Variants in CECR2 observed in about 807,000 individuals in gnomAD.
CECR2 encodes the protein chromatin remodeling regulator CECR2.
In CECR2, 30 loss-of-function variants were observed where a neutral mutation model predicts 154.5. The observed-to-expected ratio is 0.19, with a 90% confidence interval of 0.15 to 0.26. The LOEUF (loss-of-function observed/expected upper bound fraction) is 0.26. Ranked by LOEUF, CECR2 falls within the 10% of genes least tolerant of loss-of-function variation. The probability of loss-of-function intolerance (pLI) is 1.00; values close to 1 mark genes in which losing one functional copy is unlikely to be tolerated. For synonymous variants in CECR2, 725 were observed against 683.7 expected (o/e 1.06, Z -0.94); for missense variants, 1,743 against 1,829.3 (o/e 0.95, Z 0.86).
At chr22:17,528,558 C>CA (rs892414180) in intron 9 of CECR2, among the ~76,000 whole-genome samples, 5 of 151,712 alleles carry the variant, frequency 3.3e-5, no homozygotes, top group African/African-American at 1.2e-4. Flanking sequence ...ATTTTTGAGA[C>CA]AGAGTCTCAC....
chr22:17,418,890 C>A, intron 1 of CECR2: 1 of 167,698 alleles, frequency 6.0e-6, no homozygotes, highest in South Asian at 1.3e-4. Context: ...GGGCCGAAGC[C>A]CTGGGCCACT....
chr22:17,553,048 G>A lies in CECR2; in HGVS notation c.*208G>A, dbSNP rs1484887030. 27 of 1,213,736 alleles carry A rather than the reference G, an allele frequency of 2.2e-5. No homozygotes were observed. Among genetic ancestry groups the A allele is most frequent in the East Asian group, 1.1e-4 (4 of 35,396 alleles). The allele number at this position is 1,213,736 out of a possible 1,614,324, so 75.2% of individuals were successfully genotyped here. A position where few individuals can be genotyped will look rare whatever the true frequency, so the allele number is the denominator to read the frequency against. On this transcript the variant is annotated 3_prime_UTR_variant, in exon 19 of 19. Coordinates refer to ENST00000262608, the MANE Select transcript of CECR2 (RefSeq NM_001290047.2). ...TGACACACAGATTGCAAAGGTCCTC[G>A]GCCAGGGATCTCTTGCACAGCTGAT...
chr22:17,421,341 C>T (rs895736305), intron 1 of CECR2, among the ~76,000 whole-genome samples: 1 of 151,776 alleles, frequency 6.6e-6, no homozygotes, highest in African/African-American at 2.4e-5. Context: ...CAAGGCCGGG[C>T]GCGGTGGCTC....
At chr22:17,514,830 G>A (rs892001414) in intron 8 of CECR2, among the ~76,000 whole-genome samples, 3 of 151,922 alleles carry the variant, frequency 2.0e-5, no homozygotes, top group Admixed American at 6.6e-5. Flanking sequence ...TCAGGAGATC[G>A]AGACCATCCT....
chr22:17,466,588 A>G (rs1275215912), intron 1 of CECR2, among the ~76,000 whole-genome samples: 1 of 145,884 alleles, frequency 6.9e-6, no homozygotes, highest in African/African-American at 2.6e-5. Flanking sequence ...ATTGTTACTT[A>G]AAACCTTGCC....
intron 1 of CECR2, among the ~76,000 whole-genome samples, chr22:17,397,156 A>G (rs550288079): frequency 1.1e-3 from 166 of 151,698 alleles, no homozygotes; most frequent in African/African-American, 3.7e-3. Flanking sequence ...TATTTTTGTG[A>G]GACAGATTCT....
chr22:17,543,565 CT>C (rs60659527), intron 16 of CECR2, among the ~76,000 whole-genome samples: 33,038 of 143,266 alleles, frequency 0.23, 4,070 homozygotes, highest in East Asian at 0.44. Flanking sequence ...CCTCCTGAGA[CT>C]TTTTTTTTTT....
chr22:17,529,190 C>T (rs2056312972), intron 9 of CECR2, among the ~76,000 whole-genome samples: 1 of 152,148 alleles, frequency 6.6e-6, no homozygotes, highest in African/African-American at 2.4e-5. Flanking sequence ...GCAGTGCAGA[C>T]AAGAGCAGAG....
At chr22:17,377,226 G>A (rs1263253715) in intron 1 of CECR2, among the ~76,000 whole-genome samples, 1 of 152,166 alleles carries the variant, frequency 6.6e-6, no homozygotes, top group African/African-American at 2.4e-5. Flanking sequence ...TCCATACTTG[G>A]TGTGTTTGCA....
At chr22:17,493,413 AT>A (rs1464862063) in intron 2 of CECR2, among the ~76,000 whole-genome samples, 1 of 152,216 alleles carries the variant, frequency 6.6e-6, no homozygotes, top group African/African-American at 2.4e-5. Context: ...AGTCAAAAGA[AT>A]TAGCCTGATT....
At chr22:17,502,599 C>T (rs1601469803) in intron 5 of CECR2, among the ~76,000 whole-genome samples, 1 of 152,126 alleles carries the variant, frequency 6.6e-6, no homozygotes, top group African/African-American at 2.4e-5. Flanking sequence ...GTCAGGAGTT[C>T]AAGACCAGCC....
intron 16 of CECR2, among the ~76,000 whole-genome samples, chr22:17,544,785 G>C (rs174338): frequency 0.2 from 28,098 of 138,416 alleles, 3,037 homozygotes; most frequent in Admixed American, 0.29. Flanking sequence ...ACTCCAGCCT[G>C]GGCCACAAAG....
intron 1 of CECR2, among the ~76,000 whole-genome samples, chr22:17,452,163 C>T (rs960631993): frequency 6.6e-6 from 1 of 152,212 alleles, no homozygotes; most frequent in Non-Finnish European, 1.5e-5. Flanking sequence ...ACCTCCACCT[C>T]CTGGGTTCAA....
rs2056765449 is a variant in CECR2, at chr22:17,555,714, T to C, written c.*2874T>C. The C allele has an allele frequency of 6.6e-6, 1 of 152,150 alleles. No homozygotes were observed. The highest frequency in any genetic ancestry group is 6.5e-5 in the Admixed American group (1 of 15,278). 9.4% of individuals were successfully genotyped at this position (152,150 alleles called of 1,614,324 possible). A position where few individuals can be genotyped will look rare whatever the true frequency, so the allele number is the denominator to read the frequency against. On this transcript the variant is annotated 3_prime_UTR_variant, in exon 19 of 19. Coordinates refer to ENST00000262608, the MANE Select transcript of CECR2 (RefSeq NM_001290047.2). ...GTGATATGTTATATTTAGGAAGTAG[T>C]GTGTAAGGTATCCTGAAAAGGTTTG...
At chr22:17,476,101 C>A (rs1024334033) in intron 1 of CECR2, among the ~76,000 whole-genome samples, 3 of 150,710 alleles carry the variant, frequency 2.0e-5, no homozygotes, top group African/African-American at 7.3e-5. Context: ...AATAGTTAAA[C>A]TGAACCTAAT....
chr22:17,473,570 G>A (rs1028593888), intron 1 of CECR2, among the ~76,000 whole-genome samples: 5 of 152,118 alleles, frequency 3.3e-5, no homozygotes, highest in Non-Finnish European at 5.9e-5. Context: ...ATTTTGAAAA[G>A]GACACTTCGC....
At chr22:17,536,772 C>T (rs2056443686) in intron 9 of CECR2, among the ~76,000 whole-genome samples, 1 of 152,126 alleles carries the variant, frequency 6.6e-6, no homozygotes, top group South Asian at 2.1e-4. Flanking sequence ...CAACCTTGTA[C>T]TTTTTCCTTT....
At chr22:17,473,519 T>C (rs1459304296) in intron 1 of CECR2, among the ~76,000 whole-genome samples, 1 of 152,198 alleles carries the variant, frequency 6.6e-6, no homozygotes, top group Non-Finnish European at 1.5e-5. Flanking sequence ...GCAGGCCATA[T>C]ATTAAAAGCA....
In CECR2 at chr22:17,372,524, A is replaced by G. The variant is rs1402964119; in HGVS notation, c.126+2615A>G. 9.2e-5 allele frequency among the ~76,000 whole-genome samples: 14 copies of G among 152,240 alleles called. No individual in the cohort carries two copies. In the East Asian group the frequency reaches 2.7e-3, roughly 29 times the overall value. On this transcript the variant is annotated intron_variant, in intron 1 of 18. Transcript: ENST00000262608. ...CTACTAAAAATATAAAAAGTTAGCC[A>G]GGCATGGTGGCGCGCTCCTGTAATC...
Sources: allele counts gnomAD v4.1 joint callset (sites outside exome capture counted in the v4.1 genomes callset), GRCh38; gene constraint gnomAD v4.1.1; transcripts MANE v1.5; gene names NCBI Gene and HGNC (gene_info 2026-07-23, HGNC 2026-07-21).